MSH6: variants seen among roughly 807,000 people sequenced by gnomAD.
The protein encoded by MSH6 is DNA mismatch repair protein Msh6.
In MSH6, 85 loss-of-function variants were observed where a neutral mutation model predicts 119.1. The observed-to-expected ratio is 0.71, with a 90% CI of 0.60 to 0.85. The LOEUF (loss-of-function observed/expected upper bound fraction) is 0.85. Ranked by LOEUF, MSH6 falls within the 40% of genes least tolerant of loss-of-function variation. MSH6 has a pLI of 0.00. For synonymous variants in MSH6, 830 were observed against 586.9 expected, an observed-to-expected ratio of 1.41 and a Z score of -5.99; for missense variants, 2,163 against 1,655.3, an observed-to-expected ratio of 1.31 and a Z score of -5.32.
At position 47,792,891 on chromosome 2, in the gene MSH6, A is replaced by G. The variant is rs112943708; in HGVS notation, c.457+1768A>G. Among the ~76,000 whole-genome samples the G allele has an allele frequency of 3.6e-3, 434 of 119,316 alleles. 2 individuals are homozygous for G. Among genetic ancestry groups the G allele is most frequent in the Non-Finnish European group, 6.0e-3 (355 of 59,242 alleles). 78.3% of individuals were successfully genotyped at this position (119,316 alleles called of 152,430 possible). ...TTTTTAAAGAGATGACGGTCTTGCTATGTTGCCCCCAGGGTGGTCTTGAAT... is the reference window on the plus strand; with the variant it reads ...TTTTTAAAGAGATGACGGTCTTGCTGTGTTGCCCCCAGGGTGGTCTTGAAT... On this transcript the variant is annotated intron_variant, in intron 2 of 9. Transcript: ENST00000234420.
intron 2 of MSH6, 31 bp downstream of exon 2, chr2:47,791,154 T>TG: frequency 1.5e-6 from 2 of 1,317,542 alleles, no homozygotes; most frequent in African/African-American, 1.5e-5. Flanking sequence ...GTGTGTGTGT[T>TG]TGTGTGTGTG....
chr2:47,790,779 C>A, intron 1 of MSH6, 148 bp from the exon 2 acceptor site: 2 of 723,798 alleles, frequency 2.8e-6, no homozygotes, highest in Non-Finnish European at 4.7e-6. Context: ...TTTTAAATGA[C>A]TTGAATATCT....
At position 47,800,031 on chromosome 2, in the gene MSH6, C is replaced by T. The variant is rs747699430; in HGVS notation, c.2048C>T (p.Ala683Val). 2.5e-6 allele frequency: 4 copies of T among 1,614,116 alleles called. No homozygotes were observed. Among genetic ancestry groups the T allele is most frequent in the Non-Finnish European group, 3.4e-6 (4 of 1,180,008 alleles). Residue 683 changes from alanine to valine, a missense_variant, in exon 4 of 10, where the codon GCT (alanine) becomes GTT (valine). Physicochemically the swap from Ala to Val is moderately conservative, Grantham distance 64 (BLOSUM62 0). Transcript: ENST00000234420. The part of the protein sequence containing the change: ...PGEKSELALS[A>V]LGGCVFYLKK... Reference sequence around the variant, plus strand: ...GAGAAAAGTGAATTGGCCCTCTCTGCTCTAGGTGGTTGTGTCTTCTACCTC... The same window carrying T: ...GAGAAAAGTGAATTGGCCCTCTCTGTTCTAGGTGGTTGTGTCTTCTACCTC...
rs1276159036 is a variant in MSH6, at chr2:47,795,899, A to C, written c.463A>C (p.Lys155Gln). 6.2e-7 allele frequency: 1 copy of C among 1,614,000 alleles called. No individual in the cohort carries two copies. The highest frequency in any genetic ancestry group is 2.2e-5 in the East Asian group (1 of 44,880). ...ATAAATACATTTCTTTCTAGGTTCA[A>C]AATCAAAGGAAGCCCAGAAGGGAGG... Reference protein sequence around the residue: ...KRLLKPYTGSKSKEAQKGGHF... With the variant: ...KRLLKPYTGSQSKEAQKGGHF... Residue 155 changes from lysine (K) to glutamine (Q), a missense_variant, in exon 3 of 10, where the codon AAA becomes CAA. Transcript: ENST00000234420.
chr2:47,807,969 C>G (rs895176161), downstream of MSH6: 4 of 705,654 alleles, frequency 5.7e-6, no homozygotes, highest in Non-Finnish European at 7.0e-6. Context: ...TTTTTGGTAG[C>G]TTGAGCTTCA....
At chr2:47,807,161 G>A (rs1480590088), downstream of MSH6, 5 of 307,770 alleles carry the variant, frequency 1.6e-5, no homozygotes, top group African/African-American at 6.5e-5. Flanking sequence ...ATATATACTT[G>A]TCTCAGCTTA....
chr2:47,801,375 T>TTTTG, intron 4 of MSH6: 1 of 480,808 alleles, frequency 2.1e-6, no homozygotes, highest in African/African-American at 2.2e-5. Context: ...TTTTTTTTTT[T>TTTTG]TTTTTTTTTT....
In MSH6 at chr2:47,800,791, T is replaced by G. The variant is rs771925410; in HGVS notation, c.2808T>G (p.Asp936Glu). 2 of 1,614,128 alleles carry G rather than the reference T, an allele frequency of 1.2e-6. No homozygotes were observed. Among genetic ancestry groups the G allele is most frequent in the South Asian group, 2.2e-5 (2 of 91,076 alleles). ...CTCCCAAAGCAGGCTTTGACTCTGA[T>G]TATGACCAAGCTCTTGCTGACATAA... ...LITPKAGFDS[D>E]YDQALADIRE... Residue 936 changes from aspartate to glutamate, a missense_variant, in exon 4 of 10, where the codon GAT becomes GAG. By Grantham distance (45) the Asp-to-Glu change is conservative. Coordinates refer to ENST00000234420, the MANE Select transcript of MSH6 (RefSeq NM_000179.3).
Position 47,806,255 on chromosome 2 carries a change from A to G in MSH6, c.3698A>G (p.Lys1233Arg), listed in dbSNP as rs766557450. The G allele has an allele frequency of 6.2e-7, 1 of 1,614,138 alleles. No individual in the cohort carries two copies. The highest frequency in any genetic ancestry group is 8.5e-7 in the Non-Finnish European group (1 of 1,179,988). ...ACGGCAATAGCAAATGCAGTTGTTA[A>G]AGAACTTGCTGAGACTATAAAATGT... ...DGTAIANAVV[K>R]ELAETIKCRT... Residue 1233 changes from lysine (K) to arginine (R), a missense_variant, in exon 8 of 10, where the codon AAA becomes AGA. By Grantham distance (26) the Lys-to-Arg change is conservative. Coordinates refer to ENST00000234420, the MANE Select transcript of MSH6 (RefSeq NM_000179.3).
At chr2:47,796,505 G>T (rs1336616257) in intron 3 of MSH6, among the ~76,000 whole-genome samples, 1 of 152,276 alleles carries the variant, frequency 6.6e-6, no homozygotes, top group African/African-American at 2.4e-5. Context: ...GCCTCCCAAA[G>T]TGTTGGGATT....
In MSH6 at chr2:47,801,361, GTTTT is replaced by G. The variant is rs10666222; in HGVS notation, c.3172+228_3172+231del. ...TTAGTAGCCCTTTGGCCTTTCTTCA[GTTTT>G]TTTTTTTTTTTTTTTTTTTTTGAGA... On this transcript the variant is annotated intron_variant, in intron 4 of 9. Transcript: ENST00000234420. 5.1e-4 allele frequency: 46 copies of G among 89,984 alleles called. 1 individual carries two copies. The highest frequency in any genetic ancestry group is 2.1e-3 in the South Asian group (13 of 6,194). The allele number at this position is 89,984 out of a possible 1,614,324, so 5.6% of individuals were successfully genotyped here.
At chr2:47,805,081 A>G in intron 6 of MSH6, 54 bp downstream of exon 6, 1 of 1,208,454 alleles carries the variant, frequency 8.3e-7, no homozygotes, top group South Asian at 1.2e-5. Context: ...GATGTGATAA[A>G]AGATATTTGC....
At chr2:47,788,906 CCTTTTTTTTTTTTTTGTTTTTTTTT>C (rs1668532572) in intron 1 of MSH6, among the ~76,000 whole-genome samples, 7 of 15,836 alleles carry the variant, frequency 4.4e-4, no homozygotes, top group Non-Finnish European at 5.9e-4. Flanking sequence ...CTTTCTTCTT[CCTTTTTTTTTTTTTTGTTTTTTTTT>C]TTTTTTTTTT....
intron 4 of MSH6, 165 bp downstream of exon 4, chr2:47,801,320 G>T: frequency 2.7e-6 from 1 of 370,580 alleles, no homozygotes; most frequent in South Asian, 3.5e-5. Flanking sequence ...TAAGTTACTT[G>T]AAACTCGCTT....
At chr2:47,797,386 T>A (rs1669164622) in intron 3 of MSH6, among the ~76,000 whole-genome samples, 1 of 152,148 alleles carries the variant, frequency 6.6e-6, no homozygotes, top group Non-Finnish European at 1.5e-5. Flanking sequence ...TTATCAGAGG[T>A]CTAGAACTGG....
rs1185721664 is a variant in MSH6, at chr2:47,799,718, T to G, written c.1735T>G (p.Cys579Gly). ...FIGQFSDDRH[C>G]SRFRTLVAHY... is the part of the protein sequence containing the mutation. ...AGGTCAGTTTTCAGATGATCGCCAT[T>G]GTTCGAGATTTAGGACTCTAGTGGC... Residue 579 changes from cysteine to glycine, a missense_variant, in exon 4 of 10, where the codon TGT (cysteine) becomes GGT (glycine). By Grantham distance (159) the Cys-to-Gly change is radical. Transcript: ENST00000234420. The G allele has an allele frequency of 6.2e-7, 1 of 1,614,196 alleles. No individual in the cohort carries two copies. The highest frequency in any genetic ancestry group is 8.5e-7 in the Non-Finnish European group (1 of 1,180,026).
chr2:47,805,183 C>CTTT (rs35781475), intron 6 of MSH6, among the ~76,000 whole-genome samples, 156 bp downstream of exon 6: 1 of 141,138 alleles, frequency 7.1e-6, no homozygotes. Flanking sequence ...GTCTCTCTCT[C>CTTT]TTTTTTTTTT....
intron 1 of MSH6, among the ~76,000 whole-genome samples, chr2:47,788,909 T>TTTTTTTGTTTTG (rs1668535258): frequency 5.8e-5 from 3 of 52,012 alleles, no homozygotes; most frequent in African/African-American, 2.1e-4. Flanking sequence ...TCTTCTTCCT[T>TTTTTTTGTTTTG]TTTTTTTTTT....
At chr2:47,788,570 C>CTTT (rs531963943) in intron 1 of MSH6, among the ~76,000 whole-genome samples, 10 of 104,868 alleles carry the variant, frequency 9.5e-5, no homozygotes, top group African/African-American at 3.6e-4. Flanking sequence ...TTTTCTTTTT[C>CTTT]TTTTTTTTTT....
Sources: gnomAD v4.1 joint callset for allele counts (sites outside exome capture counted in the v4.1 genomes callset) on GRCh38, gnomAD v4.1.1 for gene constraint, MANE v1.5 for transcripts, NCBI Gene and HGNC (gene_info 2026-07-23, HGNC 2026-07-21) for gene names.